The following ELK3 variants were observed in gnomAD, a reference collection of about 807,000 sequenced individuals.
ELK3 encodes ETS transcription factor ELK3.
A neutral mutation model predicts 28.9 loss-of-function variants in ELK3; 10 were observed. The ratio of observed to expected loss-of-function variants is 0.35; its 90% CI spans 0.21 to 0.59. The LOEUF is 0.59. Among genes scored for constraint, ELK3 ranks in the 20% least tolerant of loss-of-function variants. The pLI is 0.82. For missense variants in ELK3, 463 were observed against 517.3 expected (o/e 0.90, Z 1.02); for synonymous variants, 272 against 243.5 (o/e 1.12, Z -1.09).
chr12:96,230,421 G>T (rs1201297138), intron 2 of ELK3, among the ~76,000 whole-genome samples: 1 of 152,160 alleles, frequency 6.6e-6, no homozygotes. Context: ...AAAGGAGAGT[G>T]TTGGTTTCCC....
chr12:96,265,079 G>GGAGAT (rs1420084470), intron 4 of ELK3, among the ~76,000 whole-genome samples: 1 of 152,110 alleles, frequency 6.6e-6, no homozygotes, highest in African/African-American at 2.4e-5. Context: ...GGCATTGGTT[G>GGAGAT]GAGATGTCTA....
intron 2 of ELK3, chr12:96,224,022 T>C (rs1311240348): frequency 2.0e-6 from 1 of 500,894 alleles, no homozygotes. Flanking sequence ...TGAAGAACTT[T>C]GCTCACAATA....
At chr12:96,203,606 A>G (rs2137000614) in intron 1 of ELK3, among the ~76,000 whole-genome samples, 1 of 152,300 alleles carries the variant, frequency 6.6e-6, no homozygotes, top group Non-Finnish European at 1.5e-5. Context: ...TCTTTTCTAG[A>G]CAATGAGTTA....
intron 2 of ELK3, among the ~76,000 whole-genome samples, chr12:96,242,587 T>C (rs1481820467): frequency 6.6e-6 from 1 of 152,144 alleles, no homozygotes; most frequent in African/African-American, 2.4e-5. Flanking sequence ...CCCTGGAAGA[T>C]AAGGAAGAAG....
intron 1 of ELK3, among the ~76,000 whole-genome samples, chr12:96,199,416 G>T (rs1951494001): frequency 6.6e-6 from 1 of 151,948 alleles, no homozygotes; most frequent in South Asian, 2.1e-4. Flanking sequence ...TTGAAACCAT[G>T]GCAGTGAGAC....
At chr12:96,229,442 C>T (rs1951725673) in intron 2 of ELK3, among the ~76,000 whole-genome samples, 1 of 151,760 alleles carries the variant, frequency 6.6e-6, no homozygotes, top group African/African-American at 2.4e-5. Flanking sequence ...CCCTGGCGTG[C>T]CTTGGCTTGC....
intron 1 of ELK3, among the ~76,000 whole-genome samples, chr12:96,196,135 A>G (rs542601918): frequency 6.6e-6 from 1 of 152,212 alleles, no homozygotes; most frequent in African/African-American, 2.4e-5. Context: ...AACTAATCTC[A>G]TTAGGAGTTT....
intron 4 of ELK3, among the ~76,000 whole-genome samples, chr12:96,260,750 A>G (rs1951987171): frequency 6.6e-6 from 1 of 152,222 alleles, no homozygotes; most frequent in Non-Finnish European, 1.5e-5. Flanking sequence ...GACCCAGTGC[A>G]AACTCCCTCT....
chr12:96,209,112 G>A (rs186745555), intron 1 of ELK3, among the ~76,000 whole-genome samples: 2 of 152,242 alleles, frequency 1.3e-5, no homozygotes, highest in East Asian at 3.9e-4. Flanking sequence ...GTGTGCACAC[G>A]TGCAAAACAG....
chr12:96,247,588 T>C lies in ELK3; in HGVS notation c.856T>C (p.Ser286Pro). Residue 286 changes from serine (S) to proline (P), a missense_variant, in exon 3 of 5, where the codon TCT becomes CCT. Around this residue, in one of 2 missense-constraint regions of ELK3, gnomAD observed 408 missense variants for 414.8 expected, o/e 0.98. Transcript: ENST00000228741. This position sits in a 1 kb window ranked among gnomAD's most constrained non-coding sequence, Gnocchi z 5.5. ...LSSGSKTKSP[S>P]LPPKAKKPKG... Reference sequence around the variant, plus strand: ...ATCGGGCTCCAAGACCAAGTCTCCATCTCTTCCCCCAAAGGCCAAAAAACC... The same window carrying C: ...ATCGGGCTCCAAGACCAAGTCTCCACCTCTTCCCCCAAAGGCCAAAAAACC... 6.2e-7 allele frequency: 1 copy of C among 1,613,862 alleles called. No individual in the cohort carries two copies.
At chr12:96,246,065 T>C (rs1249343237) in intron 2 of ELK3, among the ~76,000 whole-genome samples, 7 of 151,966 alleles carry the variant, frequency 4.6e-5, no homozygotes, top group Non-Finnish European at 8.8e-5. Flanking sequence ...TAAGAAAACG[T>C]TGTAGTGTTT....
intron 1 of ELK3, among the ~76,000 whole-genome samples, chr12:96,202,119 C>T (rs939395133): frequency 1.3e-5 from 2 of 152,286 alleles, no homozygotes; most frequent in South Asian, 2.1e-4. Flanking sequence ...CCTCTGCACC[C>T]GCTCTGATCC....
chr12:96,201,530 A>G (rs540801360), intron 1 of ELK3, among the ~76,000 whole-genome samples: 1 of 146,472 alleles, frequency 6.8e-6, no homozygotes, highest in African/African-American at 2.5e-5. Context: ...GCAGTGAACC[A>G]TGATTGCGCC....
At chr12:96,242,945 G>A (rs979304113) in intron 2 of ELK3, among the ~76,000 whole-genome samples, 7 of 151,926 alleles carry the variant, frequency 4.6e-5, no homozygotes, top group East Asian at 1.9e-4. Context: ...CTCCATCCCC[G>A]TCACTGCGTA....
At chr12:96,259,696 C>A in intron 3 of ELK3, 35 bp from the exon 4 acceptor site, 2 of 1,589,822 alleles carry the variant, frequency 1.3e-6, no homozygotes, top group Non-Finnish European at 1.7e-6. Context: ...GTCAGGTGAA[C>A]CTATATGAAG....
At chr12:96,231,062 C>G (rs1951738527) in intron 2 of ELK3, among the ~76,000 whole-genome samples, 1 of 152,160 alleles carries the variant, frequency 6.6e-6, no homozygotes, top group Admixed American at 6.5e-5. Flanking sequence ...GGGGCAGAAA[C>G]CAGAGTCCGT....
At chr12:96,235,798 C>G (rs1951778791) in intron 2 of ELK3, among the ~76,000 whole-genome samples, 1 of 152,156 alleles carries the variant, frequency 6.6e-6, no homozygotes, top group Non-Finnish European at 1.5e-5. Context: ...GAAAGACTTG[C>G]ACTGGGGAGC....
At chr12:96,215,357 C>G (rs1178458696) in intron 1 of ELK3, among the ~76,000 whole-genome samples, 1 of 152,116 alleles carries the variant, frequency 6.6e-6, no homozygotes, top group Non-Finnish European at 1.5e-5. Context: ...ATTAAGACGT[C>G]GGGCGCCACC....
chr12:96,233,626 A>G (rs764162003), intron 2 of ELK3, among the ~76,000 whole-genome samples: 12 of 152,266 alleles, frequency 7.9e-5, no homozygotes, highest in Non-Finnish European at 1.0e-4. Context: ...TTAATAATAC[A>G]TATCTGAGAT....
Sources: allele counts gnomAD v4.1 joint callset (sites outside exome capture counted in the v4.1 genomes callset), GRCh38; gene constraint gnomAD v4.1.1; regional missense constraint gnomAD v4.1.1; non-coding constraint Gnocchi (gnomAD v3.1); transcripts MANE v1.5; gene names NCBI Gene and HGNC (gene_info 2026-07-23, HGNC 2026-07-21).